The following CYP2W1 variants were observed in gnomAD, a reference collection of about 807,000 sequenced individuals.
CYP2W1 encodes the protein cytochrome P450 family 2 subfamily W member 1, also known as cytochrome P450 2W1.
A neutral mutation model predicts 44.9 loss-of-function variants in CYP2W1; 51 were observed. That is an observed-to-expected ratio of 1.14 (90% CI 0.91 to 1.43). CYP2W1 has a LOEUF of 1.43. Among genes scored for constraint, CYP2W1 ranks in the 40% most tolerant of loss-of-function variants. The probability of loss-of-function intolerance (pLI) is 0.00; values close to 1 mark genes in which losing one functional copy is unlikely to be tolerated. For synonymous variants in CYP2W1, 383 were observed against 338.3 expected (o/e 1.13, Z -1.45); for missense variants, 746 against 700.0 (o/e 1.07, Z -0.74).
intron 7 of CYP2W1, among the ~76,000 whole-genome samples, chr7:987,935 GGGGGGTCCCCTGTGTGTCCT>G (rs1157091834): frequency 6.5e-5 from 9 of 139,116 alleles, no homozygotes; most frequent in South Asian, 2.3e-4. Context: ...GTGTGTCCTG[GGGGGGTCCCCTGTGTGTCCT>G]GGGGGTCCCC....
Position 983,211 on chromosome 7 carries a change from C to T in CYP2W1, c.-1C>T, listed in dbSNP as rs1476192729. ...AGTGGAGCCTCACCAGCCACGTCCT[C>T]ATGGCCCTGCTGCTCTTGCTGTTCC... On this transcript the variant is annotated 5_prime_UTR_variant, in exon 1 of 9. Transcript: ENST00000308919. 3 of 1,502,598 alleles carry T rather than the reference C, an allele frequency of 2.0e-6. No individual in the cohort carries two copies. The highest frequency in any genetic ancestry group is 2.1e-5 in the Admixed American group (1 of 48,002). The allele number at this position is 1,502,598 out of a possible 1,614,324, so 93.1% of individuals were successfully genotyped here.
At chr7:985,126 C>A in intron 3 of CYP2W1, 27 bp downstream of exon 3, 1 of 1,606,440 alleles carries the variant, frequency 6.2e-7, no homozygotes, top group Non-Finnish European at 8.5e-7. Context: ...GGACGCCCCT[C>A]CCCGGGCCTG....
intron 2 of CYP2W1, 65 bp downstream of exon 2, chr7:984,639 G>A (rs1848188611): frequency 1.3e-6 from 2 of 1,505,210 alleles, no homozygotes; most frequent in South Asian, 2.5e-5. Context: ...CAGGAGGGGT[G>A]GGGGCTCCAG....
rs1258467846 is a variant in CYP2W1, at chr7:983,254, TG to T, written c.48del (p.Leu17CysfsTer40). On this transcript the variant is annotated frameshift_variant, in exon 1 of 9. Coordinates refer to ENST00000308919, the MANE Select transcript of CYP2W1 (RefSeq NM_017781.3). LOFTEE classifies it high-confidence loss of function. ...GCTGTTCCTGGGCCTCCTGGGGCTCTGGGGGCTGCTCTGCGCCTGCGCCCAA... is the reference window on the plus strand; with the variant it reads ...GCTGTTCCTGGGCCTCCTGGGGCTCTGGGGCTGCTCTGCGCCTGCGCCCAA... The part of the protein sequence containing the change: ...LLLFLGLLGL[W>X]GLLCACAQDP... The T allele has an allele frequency of 7.8e-6, 12 of 1,536,434 alleles. No homozygotes were observed. The highest frequency in any genetic ancestry group is 2.5e-5 in the East Asian group (1 of 40,490).
intron 1 of CYP2W1, 53 bp from the exon 2 acceptor site, chr7:984,359 A>AGG (rs34743661): frequency 7.8e-6 from 12 of 1,532,070 alleles, no homozygotes; most frequent in East Asian, 4.9e-5. Flanking sequence ...AGGGGACCTA[A>AGG]GGGGGGTCTT....
At chr7:986,926 C>A in intron 5 of CYP2W1, 129 bp downstream of exon 5, 1 of 1,322,026 alleles carries the variant, frequency 7.6e-7, no homozygotes, top group Admixed American at 2.9e-5. Flanking sequence ...GGGGGCCTCT[C>A]AGAGCCTCAG....
rs762272792 is a variant in CYP2W1, at chr7:988,785, C to T, written c.1436C>T (p.Pro479Leu). The change falls in exon 9 of 9, where the codon CCG becomes CTG. Residue 479 changes from proline (P) to leucine (L), a missense_variant. Transcript: ENST00000308919. Reference protein sequence around the residue: ...TTPARAFTMRPRAQALCAVPR... With the variant: ...TTPARAFTMRLRAQALCAVPR... The stretch of plus-strand genomic sequence containing the variant: ...CCCGCCCGGGCTTTTACCATGAGGC[C>T]GAGGGCCCAGGCCCTGTGTGCGGTG... 9.4e-6 allele frequency: 15 copies of T among 1,595,578 alleles called. No individual in the cohort carries two copies. The highest frequency in any genetic ancestry group is 3.4e-5 in the Admixed American group (2 of 59,594).
At chr7:984,825 G>T in intron 2 of CYP2W1, 125 bp from the exon 3 acceptor site, 1 of 1,331,220 alleles carries the variant, frequency 7.5e-7, no homozygotes, top group East Asian at 2.3e-5. Flanking sequence ...GGACGGGAGT[G>T]GGGATGGGGG....
chr7:987,474 G>C lies in CYP2W1; in HGVS notation c.1086G>C (p.Pro362=), dbSNP rs750149055. 2 of 1,560,350 alleles carry C rather than the reference G, an allele frequency of 1.3e-6. No individual in the cohort carries two copies. The highest frequency in any genetic ancestry group is 1.7e-6 in the Non-Finnish European group (2 of 1,160,996). The change falls in exon 7 of 9, where the codon CCG becomes CCC. Residue 362 remains proline (P), a synonymous_variant. Transcript: ENST00000308919. ...TGCAGCGGTTCATCACGCTCCTGCC[G>C]CACGTGCCCCGCTGCACCGCGGCCG... The part of the protein sequence containing the change: ...HEVQRFITLL[P]HVPRCTAADT...
chr7:983,282 A>C lies in CYP2W1; in HGVS notation c.71A>C (p.Asp24Ala). ...LWGLLCACAQ[D>A]PSPAARWPPG... ...GGGCTGCTCTGCGCCTGCGCCCAAG[A>C]CCCCTCCCCAGCTGCCCGGTGGCCC... is the stretch of plus-strand genomic sequence containing the variant. The change falls in exon 1 of 9, where the codon GAC (aspartate) becomes GCC (alanine). Residue 24 changes from aspartate to alanine, a missense_variant. Coordinates refer to ENST00000308919, the MANE Select transcript of CYP2W1 (RefSeq NM_017781.3). 1 of 1,540,148 alleles carries C rather than the reference A, an allele frequency of 6.5e-7. No individual in the cohort carries two copies. The highest frequency in any genetic ancestry group is 8.7e-7 in the Non-Finnish European group (1 of 1,143,726).
intron 5 of CYP2W1, 86 bp from the exon 6 acceptor site, chr7:987,021 A>T: frequency 7.1e-7 from 1 of 1,414,348 alleles, no homozygotes; most frequent in Non-Finnish European, 9.2e-7. Flanking sequence ...CGGGGCATCC[A>T]TAGTGGAGCC....
rs376848800 is a variant in CYP2W1 at position 987,969 on chromosome 7, G to C, written c.1144-308G>C. ...CCTGTGTGTCCTGGGGGTCCCCTCT[G>C]TGTGTCCTGGGGGGGTCCCCTCTGT... On this transcript the variant is annotated intron_variant, in intron 7 of 8. Coordinates refer to ENST00000308919, the MANE Select transcript of CYP2W1 (RefSeq NM_017781.3). Among the ~76,000 whole-genome samples, 29 of 136,158 alleles carry C rather than the reference G, an allele frequency of 2.1e-4. 1 individual carries two copies. The highest frequency in any genetic ancestry group is 8.3e-4 in the African/African-American group (28 of 33,850). The allele number at this position is 136,158 out of a possible 152,430, so 89.3% of individuals were successfully genotyped here.
chr7:985,635 A>G (rs991855392), intron 4 of CYP2W1, among the ~76,000 whole-genome samples: 1 of 152,078 alleles, frequency 6.6e-6, no homozygotes, highest in Non-Finnish European at 1.5e-5. Flanking sequence ...GGGGGGCTCC[A>G]TGTCTGCCCC....
At chr7:984,366 T>TC (rs201787342) in intron 1 of CYP2W1, 46 bp from the exon 2 acceptor site, 1 of 1,534,070 alleles carries the variant, frequency 6.5e-7, no homozygotes, top group South Asian at 1.2e-5. Flanking sequence ...CTAAGGGGGG[T>TC]CTTGTGGGTG....
rs946424440 is a variant in CYP2W1 at position 985,090 on chromosome 7, G to A, written c.478G>A (p.Gly160Ser). ...GAAATGCCTCTCTGGGCAGCTGGAT[G>A]GCTACAGAGGTGAGCAGGGGGCCGG... ...ELKCLSGQLD[G>S]YRGRPFPLAL... Residue 160 changes from glycine (G) to serine (S), a missense_variant, in exon 3 of 9, where the codon GGC (glycine) becomes AGC (serine). Gly to Ser is a moderately conservative substitution (Grantham distance 56). Transcript: ENST00000308919. The A allele has an allele frequency of 8.7e-6, 14 of 1,612,030 alleles. No individual in the cohort carries two copies. Among genetic ancestry groups the A allele is most frequent in the African/African-American group, 1.3e-5 (1 of 74,934 alleles).
At chr7:984,300 C>T in intron 1 of CYP2W1, 112 bp from the exon 2 acceptor site, 2 of 1,379,842 alleles carry the variant, frequency 1.4e-6, no homozygotes, top group Non-Finnish European at 1.9e-6. Context: ...CCTCCACCTG[C>T]CCCCATTTTC....
chr7:986,324 A>T, intron 4 of CYP2W1: 1 of 443,354 alleles, frequency 2.3e-6, no homozygotes, highest in East Asian at 4.8e-5. Context: ...TCCATGACTC[A>T]CAGGAGGTTC....
chr7:988,558 C>T (rs1283903774), intron 8 of CYP2W1, 77 bp from the exon 9 acceptor site: 1 of 1,597,862 alleles, frequency 6.3e-7, no homozygotes, highest in Non-Finnish European at 8.5e-7. Context: ...TCCTGTGCTC[C>T]CCTGGGGAGG....
chr7:987,664 G>C, intron 7 of CYP2W1, 133 bp downstream of exon 7: 1 of 924,002 alleles, frequency 1.1e-6, no homozygotes, highest in Non-Finnish European at 1.6e-6. Context: ...GGCAATAAAG[G>C]GCGTCCAGCC....
Sources: allele counts gnomAD v4.1 joint callset (sites outside exome capture counted in the v4.1 genomes callset), GRCh38; gene constraint gnomAD v4.1.1; transcripts MANE v1.5; gene names NCBI Gene and HGNC (gene_info 2026-07-23, HGNC 2026-07-21).